USH2A: variants seen among roughly 807,000 people sequenced by gnomAD.
USH2A encodes usherin.
Under a neutral mutation model 538.9 loss-of-function variants are expected in USH2A, and 443 were observed. The ratio of observed to expected loss-of-function variants is 0.82; its 90% CI spans 0.76 to 0.89. USH2A has a LOEUF of 0.89. Ranked by LOEUF, USH2A falls within the 40% of genes least tolerant of loss-of-function variation. USH2A has a pLI of 0.00. For missense variants in USH2A, 6,633 were observed against 6,324.8 expected, an observed-to-expected ratio of 1.05 and a Z score of -1.65; for synonymous variants, 2,413 against 2,273.5, an observed-to-expected ratio of 1.06 and a Z score of -1.75.
chr1:216,402,133 T>G (rs1001968698), intron 3 of USH2A, among the ~76,000 whole-genome samples: 2 of 152,144 alleles, frequency 1.3e-5, no homozygotes, highest in African/African-American at 4.8e-5. Context: ...TGTGAAACTT[T>G]CACCAAGATA....
intron 21 of USH2A, among the ~76,000 whole-genome samples, chr1:216,119,814 G>A (rs1053691430): frequency 4.6e-5 from 7 of 152,042 alleles, no homozygotes; most frequent in African/African-American, 1.7e-4. Flanking sequence ...AGCAGGCAAT[G>A]TTGATATGCT....
chr1:216,355,902 TAAC>T (rs2038385485), intron 4 of USH2A, among the ~76,000 whole-genome samples: 1 of 152,120 alleles, frequency 6.6e-6, no homozygotes, highest in African/African-American at 2.4e-5. Flanking sequence ...ATAACTAAAT[TAAC>T]AATAATATTT....
At chr1:215,913,790 CTAAG>C (rs1488284023) in intron 38 of USH2A, among the ~76,000 whole-genome samples, 1 of 151,668 alleles carries the variant, frequency 6.6e-6, no homozygotes, top group Non-Finnish European at 1.5e-5. Context: ...AATCCAATTA[CTAAG>C]TATTTCTGGC....
intron 69 of USH2A, among the ~76,000 whole-genome samples, chr1:215,635,246 C>T (rs1170930352): frequency 6.6e-6 from 1 of 152,168 alleles, no homozygotes; most frequent in Non-Finnish European, 1.5e-5. Context: ...ATGATATTAA[C>T]AGCCTGTGTT....
chr1:215,672,420 T>C (rs1292264668), intron 63 of USH2A, among the ~76,000 whole-genome samples: 2 of 152,096 alleles, frequency 1.3e-5, no homozygotes, highest in East Asian at 3.9e-4. Flanking sequence ...CCCACTTTCT[T>C]CTCCTCCTCC....
intron 9 of USH2A, among the ~76,000 whole-genome samples, chr1:216,293,800 A>T (rs1337761959): frequency 1.3e-5 from 2 of 152,308 alleles, no homozygotes; most frequent in East Asian, 3.9e-4. Context: ...TCACCAACAG[A>T]TACTGAAAAA....
chr1:215,681,839 T>C (rs906755077), intron 61 of USH2A, among the ~76,000 whole-genome samples: 7 of 152,216 alleles, frequency 4.6e-5, no homozygotes, highest in Admixed American at 1.3e-4. Flanking sequence ...TTTTCCTATT[T>C]CAATAAGTCC....
At chr1:216,170,972 A>G (rs1410411985) in intron 21 of USH2A, among the ~76,000 whole-genome samples, 1 of 151,392 alleles carries the variant, frequency 6.6e-6, no homozygotes, top group Non-Finnish European at 1.5e-5. Flanking sequence ...ATGATTGTTT[A>G]TATCATTGCC....
intron 64 of USH2A, among the ~76,000 whole-genome samples, chr1:215,660,477 T>A (rs952492687): frequency 6.6e-6 from 1 of 152,100 alleles, no homozygotes; most frequent in African/African-American, 2.4e-5. Context: ...TTAATAAGAT[T>A]GGAAAACTCC....
At chr1:216,203,675 T>C (rs1329256051) in intron 16 of USH2A, among the ~76,000 whole-genome samples, 3 of 152,180 alleles carry the variant, frequency 2.0e-5, no homozygotes, top group Non-Finnish European at 4.4e-5. Flanking sequence ...ACTTGTTACA[T>C]TGATCCCTTG....
At chr1:215,723,482 T>C (rs1427859920) in intron 61 of USH2A, among the ~76,000 whole-genome samples, 1 of 152,192 alleles carries the variant, frequency 6.6e-6, no homozygotes, top group African/African-American at 2.4e-5. Flanking sequence ...TGGGGCAAGC[T>C]AGTGATGGCA....
chr1:215,952,490 T>G (rs918207187), intron 37 of USH2A, among the ~76,000 whole-genome samples: 1 of 152,198 alleles, frequency 6.6e-6, no homozygotes, highest in Non-Finnish European at 1.5e-5. Flanking sequence ...GTCTTTACAA[T>G]TTGGCATGGT....
intron 4 of USH2A, among the ~76,000 whole-genome samples, chr1:216,329,873 C>T (rs1178010135): frequency 6.6e-6 from 1 of 151,918 alleles, no homozygotes; most frequent in African/African-American, 2.4e-5. Context: ...CCTATTTTTG[C>T]CAACATAATG....
At chr1:216,163,693 A>AT (rs2034111310) in intron 21 of USH2A, among the ~76,000 whole-genome samples, 1 of 152,048 alleles carries the variant, frequency 6.6e-6, no homozygotes, top group Admixed American at 6.6e-5. Context: ...CTGAGGAAGA[A>AT]GAGCCTATTA....
At chr1:216,216,287 G>C (rs375000114) in intron 15 of USH2A, among the ~76,000 whole-genome samples, 1 of 152,068 alleles carries the variant, frequency 6.6e-6, no homozygotes, top group South Asian at 2.1e-4. Flanking sequence ...AATCCAGAGG[G>C]ACTGATGAAA....
chr1:216,239,157 A>G (rs1305552462), intron 13 of USH2A, among the ~76,000 whole-genome samples: 2 of 152,138 alleles, frequency 1.3e-5, no homozygotes, highest in Non-Finnish European at 2.9e-5. Context: ...AAAAATAAAA[A>G]ATAAAAAATA....
intron 37 of USH2A, among the ~76,000 whole-genome samples, chr1:215,951,775 T>G (rs945327403): frequency 6.6e-6 from 1 of 152,232 alleles, no homozygotes; most frequent in Non-Finnish European, 1.5e-5. Context: ...TAGTTAGCTC[T>G]TCTTGTTGAA....
At chr1:215,640,097 T>A (rs1656624365) in intron 68 of USH2A, among the ~76,000 whole-genome samples, 1 of 152,192 alleles carries the variant, frequency 6.6e-6, no homozygotes, top group Non-Finnish European at 1.5e-5. Flanking sequence ...TTTCAGGGGC[T>A]GATATCAAGG....
intron 11 of USH2A, among the ~76,000 whole-genome samples, chr1:216,251,363 GAAATAA>G (rs994849357): frequency 1.4e-5 from 2 of 139,696 alleles, no homozygotes; most frequent in African/African-American, 5.2e-5. Context: ...GCTATATAAA[GAAATAA>G]AAATATAAAT....
Sources: gnomAD v4.1 joint callset for allele counts (sites outside exome capture counted in the v4.1 genomes callset) on GRCh38, gnomAD v4.1.1 for gene constraint, MANE v1.5 for transcripts, NCBI Gene and HGNC (gene_info 2026-07-23, HGNC 2026-07-21) for gene names.